Variants in USP47 observed in about 807,000 individuals in gnomAD.
The protein encoded by USP47 is ubiquitin carboxyl-terminal hydrolase 47.
Under a neutral mutation model 165.1 loss-of-function variants are expected in USP47, and 35 were observed. That is an observed-to-expected ratio of 0.21 (90% CI 0.16 to 0.28). The LOEUF is 0.28. Ranked by LOEUF, USP47 falls within the 10% of genes least tolerant of loss-of-function variation. The pLI is 1.00. For synonymous variants in USP47, 531 were observed against 544.5 expected, an observed-to-expected ratio of 0.98 and a Z score of 0.35; for missense variants, 1,277 against 1,607.4, an observed-to-expected ratio of 0.79 and a Z score of 3.52.
At chr11:11,847,661 C>G (rs910590577) in intron 1 of USP47, among the ~76,000 whole-genome samples, 14 of 152,084 alleles carry the variant, frequency 9.2e-5, no homozygotes, top group South Asian at 2.1e-4. Flanking sequence ...GTCTCTGTAT[C>G]CTTATCTTTC....
At chr11:11,858,330 G>T (rs1384585590) in intron 1 of USP47, among the ~76,000 whole-genome samples, 3 of 151,778 alleles carry the variant, frequency 2.0e-5, no homozygotes, top group Admixed American at 6.6e-5. Context: ...GTTACTTAGG[G>T]TCTCAGGTAA....
chr11:11,925,116 T>TC (rs1046847934), intron 11 of USP47, among the ~76,000 whole-genome samples: 1 of 151,778 alleles, frequency 6.6e-6, no homozygotes, highest in African/African-American at 2.4e-5. Context: ...TTTTTGGTTT[T>TC]TTTTTTTTTG....
intron 1 of USP47, among the ~76,000 whole-genome samples, chr11:11,875,055 G>A (rs1356990356): frequency 2.0e-5 from 3 of 151,064 alleles, no homozygotes; most frequent in Admixed American, 6.6e-5. Flanking sequence ...GTGTGTGTGT[G>A]TGTGTGTGTG....
At chr11:11,953,811 T>C (rs1014988312) in intron 25 of USP47, among the ~76,000 whole-genome samples, 13 of 152,198 alleles carry the variant, frequency 8.5e-5, no homozygotes, top group African/African-American at 3.1e-4. Flanking sequence ...AATCAAAAAA[T>C]ACCTAGAGTT....
At chr11:11,893,083 C>A (rs1851643567) in intron 4 of USP47, among the ~76,000 whole-genome samples, 3 of 151,848 alleles carry the variant, frequency 2.0e-5, no homozygotes, top group African/African-American at 4.8e-5. Context: ...TACGATTAAG[C>A]CTATGTTTTT....
chr11:11,922,802 G>A lies in USP47; in HGVS notation c.1297G>A (p.Asp433Asn), dbSNP rs1022990588. 3 of 1,611,472 alleles carry A rather than the reference G, an allele frequency of 1.9e-6. No individual in the cohort carries two copies. Among genetic ancestry groups the A allele is most frequent in the East Asian group, 2.2e-5 (1 of 44,670 alleles). Residue 433 changes from aspartate (D) to asparagine (N), a missense_variant, in exon 11 of 28, where the codon GAT (aspartate) becomes AAT (asparagine). By Grantham distance (23) the Asp-to-Asn change is conservative. This residue lies in a region of USP47 where 175 missense variants were observed against 295.8 expected (regional missense o/e 0.59). Coordinates refer to ENST00000527733, the MANE Select transcript of USP47 (RefSeq NM_001282659.2). The part of the protein sequence containing the change: ...GSCHSDQMSN[D>N]FSNDDGVDEG... ...TTGTCACAGTGATCAGATGAGCAAC[G>A]ATTTCTCCAATGATGATGGTGTTGA...
intron 8 of USP47, among the ~76,000 whole-genome samples, chr11:11,905,987 A>G (rs1438295224): frequency 6.6e-6 from 1 of 152,158 alleles, no homozygotes; most frequent in East Asian, 1.9e-4. Flanking sequence ...CCATATTTTT[A>G]AAAGAAGCAT....
intron 4 of USP47, among the ~76,000 whole-genome samples, chr11:11,896,750 T>C (rs1200796606): frequency 1.3e-5 from 2 of 152,088 alleles, no homozygotes; most frequent in South Asian, 2.1e-4. Flanking sequence ...AAATATAGGA[T>C]CCTATGAGAA....
chr11:11,855,981 AG>A (rs1018635749), intron 1 of USP47, among the ~76,000 whole-genome samples: 5 of 152,200 alleles, frequency 3.3e-5, no homozygotes, highest in African/African-American at 1.2e-4. Flanking sequence ...GGCTTTCTCT[AG>A]GGGATTCTGT....
intron 10 of USP47, among the ~76,000 whole-genome samples, chr11:11,921,238 T>G (rs59719212): frequency 0.022 from 3,316 of 151,784 alleles, 98 homozygotes; most frequent in East Asian, 0.082. Flanking sequence ...AAGCGTTTTT[T>G]TTTTGTTTTG....
At position 11,884,591 on chromosome 11, in the gene USP47, T is replaced by TA. The variant is rs1851035705; in HGVS notation, c.357+12dup. The TA allele has an allele frequency of 3.2e-6, 5 of 1,584,542 alleles. No homozygotes were observed. The highest frequency in any genetic ancestry group is 4.3e-6 in the Non-Finnish European group (5 of 1,165,628). On this transcript the variant is annotated intron_variant, in intron 3 of 27. Coordinates refer to ENST00000527733, the MANE Select transcript of USP47 (RefSeq NM_001282659.2). Reference sequence around the variant, plus strand: ...CCTCAAATACTGCTGGTAAGCTACTTAGAAAGCCCCATATTTATAATTTTT... The same window carrying TA: ...CCTCAAATACTGCTGGTAAGCTACTTAAGAAAGCCCCATATTTATAATTTTT...
chr11:11,920,869 T>C (rs568838914), intron 10 of USP47, among the ~76,000 whole-genome samples: 1 of 151,990 alleles, frequency 6.6e-6, no homozygotes, highest in Non-Finnish European at 1.5e-5. Context: ...CTATAATAAA[T>C]GCAGACAATG....
At chr11:11,899,807 A>C (rs573588234) in intron 5 of USP47, among the ~76,000 whole-genome samples, 76 of 152,294 alleles carry the variant, frequency 5.0e-4, no homozygotes, top group Non-Finnish European at 8.2e-4. Context: ...AGATTGTGAG[A>C]ATAGAGTGAA....
intron 8 of USP47, among the ~76,000 whole-genome samples, chr11:11,913,018 G>T (rs560451875): frequency 1.3e-5 from 2 of 151,870 alleles, no homozygotes; most frequent in South Asian, 2.1e-4. Flanking sequence ...ATTAAAAAAC[G>T]TATCTAAAAT....
chr11:11,925,051 G>A (rs1854129990), intron 11 of USP47, among the ~76,000 whole-genome samples: 1 of 149,980 alleles, frequency 6.7e-6, no homozygotes, highest in Admixed American at 6.6e-5. Context: ...AACAGAGGAT[G>A]TCTTTCCATT....
intron 5 of USP47, among the ~76,000 whole-genome samples, chr11:11,899,393 C>T (rs1471684226): frequency 6.6e-6 from 1 of 152,202 alleles, no homozygotes; most frequent in African/African-American, 2.4e-5. Context: ...TGGACATTTA[C>T]TGTGTGCTAG....
At chr11:11,918,597 C>T (rs1286122607) in intron 8 of USP47, among the ~76,000 whole-genome samples, 1 of 151,828 alleles carries the variant, frequency 6.6e-6, no homozygotes. Context: ...TTGGGTTGGG[C>T]GAGGGAAAGC....
chr11:11,909,588 C>T (rs1208973723), intron 8 of USP47, among the ~76,000 whole-genome samples: 1 of 152,052 alleles, frequency 6.6e-6, no homozygotes, highest in Non-Finnish European at 1.5e-5. Flanking sequence ...TGTATTTTGT[C>T]ATACAACATT....
chr11:11,885,218 A>G (rs375939443), intron 3 of USP47, among the ~76,000 whole-genome samples: 30 of 152,206 alleles, frequency 2.0e-4, no homozygotes, highest in South Asian at 8.3e-4. Context: ...GACATGAGTT[A>G]AAAAAGAGTA....
Sources: gnomAD v4.1 joint callset for allele counts (sites outside exome capture counted in the v4.1 genomes callset) on GRCh38, gnomAD v4.1.1 for gene constraint, gnomAD v4.1.1 regional missense constraint, MANE v1.5 for transcripts, NCBI Gene and HGNC (gene_info 2026-07-23, HGNC 2026-07-21) for gene names.